The following ATRNL1 variants were observed in gnomAD, a reference collection of about 807,000 sequenced individuals.
The protein encoded by ATRNL1 is attractin-like protein 1.
A neutral mutation model predicts 182.7 loss-of-function variants in ATRNL1; 95 were observed. The ratio of observed to expected loss-of-function variants is 0.52; its 90% CI spans 0.44 to 0.62. The LOEUF is 0.62. Among genes scored for constraint, ATRNL1 ranks in the 20% least tolerant of loss-of-function variants. ATRNL1 has a pLI of 0.00. For missense variants in ATRNL1, 1,471 were observed against 1,679.5 expected (o/e 0.88, Z 2.17); for synonymous variants, 576 against 568.3 (o/e 1.01, Z -0.19).
At chr10:115,560,438 G>A (rs996799819) in intron 26 of ATRNL1, among the ~76,000 whole-genome samples, 1 of 152,104 alleles carries the variant, frequency 6.6e-6, no homozygotes, top group South Asian at 2.1e-4. Context: ...GAGCTACAAT[G>A]CAAGATGAGA....
intron 26 of ATRNL1, among the ~76,000 whole-genome samples, chr10:115,695,315 G>A (rs1257640664): frequency 1.3e-5 from 2 of 151,968 alleles, no homozygotes; most frequent in South Asian, 4.2e-4. Flanking sequence ...TTTAAACAAC[G>A]CTGGAATTCA....
chr10:115,231,300 A>G (rs1849942005), intron 9 of ATRNL1, among the ~76,000 whole-genome samples: 1 of 152,156 alleles, frequency 6.6e-6, no homozygotes, highest in South Asian at 2.1e-4. Flanking sequence ...GCTGATTGGT[A>G]AACTAATATG....
chr10:115,764,594 T>G (rs1398044884), intron 27 of ATRNL1, among the ~76,000 whole-genome samples: 1 of 152,216 alleles, frequency 6.6e-6, no homozygotes, highest in Non-Finnish European at 1.5e-5. Context: ...TGTGATAATA[T>G]GTAGACTTTT....
At chr10:115,814,527 A>G (rs1950118128) in intron 27 of ATRNL1, among the ~76,000 whole-genome samples, 1 of 152,178 alleles carries the variant, frequency 6.6e-6, no homozygotes, top group South Asian at 2.1e-4. Flanking sequence ...TTATATAGAC[A>G]TATGTGATAG....
intron 28 of ATRNL1, among the ~76,000 whole-genome samples, chr10:115,926,195 G>T (rs1953225697): frequency 6.6e-6 from 1 of 152,188 alleles, no homozygotes; most frequent in South Asian, 2.1e-4. Flanking sequence ...AAATCAAGAA[G>T]TTCTTTGAAA....
intron 27 of ATRNL1, among the ~76,000 whole-genome samples, chr10:115,786,561 T>C (rs550152240): frequency 7.1e-4 from 108 of 152,318 alleles, no homozygotes; most frequent in African/African-American, 2.4e-3. Context: ...TATGGCCTTC[T>C]TAGAAGGATA....
At chr10:115,545,191 C>CG (rs1478248207) in intron 25 of ATRNL1, among the ~76,000 whole-genome samples, 4 of 139,884 alleles carry the variant, frequency 2.9e-5, no homozygotes, top group Non-Finnish European at 4.5e-5. Flanking sequence ...GCCAAGATCA[C>CG]GCCACTGCAC....
intron 13 of ATRNL1, among the ~76,000 whole-genome samples, chr10:115,270,942 G>T (rs1851833396): frequency 6.6e-6 from 1 of 151,942 alleles, no homozygotes; most frequent in South Asian, 2.1e-4. Flanking sequence ...TAATAACAAG[G>T]TCATAATTCT....
intron 26 of ATRNL1, among the ~76,000 whole-genome samples, chr10:115,649,998 G>C (rs1035218208): frequency 6.6e-6 from 1 of 152,124 alleles, no homozygotes; most frequent in Non-Finnish European, 1.5e-5. Flanking sequence ...AACAACAATA[G>C]ACCTGAATTA....
intron 20 of ATRNL1, among the ~76,000 whole-genome samples, chr10:115,408,248 C>G (rs1434713236): frequency 6.6e-6 from 1 of 151,908 alleles, no homozygotes; most frequent in African/African-American, 2.4e-5. Context: ...CATGATCCAC[C>G]CGCCTCGGCC....
rs74626226 is a variant in ATRNL1 at position 115,171,544 on chromosome 10, A to T, written c.1348+252A>T. ...ATTTTCTAAGATTTGTGAATTTTTT[A>T]AAAAAATATGTGAAATTCCAGTAGG... On this transcript the variant is annotated intron_variant, in intron 8 of 28. Transcript: ENST00000355044. Among the ~76,000 whole-genome samples the T allele has an allele frequency of 3.3e-4, 50 of 152,106 alleles. 1 individual carries two copies. The East Asian group carries it at 4.2e-3, about 13-fold the overall frequency.
intron 26 of ATRNL1, among the ~76,000 whole-genome samples, chr10:115,646,178 CAAAG>C (rs1555032391): frequency 1.3e-5 from 2 of 151,696 alleles, no homozygotes; most frequent in South Asian, 4.2e-4. Context: ...TTTTTTAAAA[CAAAG>C]AATAACTTTA....
intron 27 of ATRNL1, among the ~76,000 whole-genome samples, chr10:115,843,300 T>C (rs548900443): frequency 2.0e-5 from 3 of 152,034 alleles, no homozygotes; most frequent in East Asian, 3.9e-4. Flanking sequence ...GAAGTGAGCA[T>C]AGGGGATATA....
chr10:115,506,507 G>C (rs1554981320), intron 24 of ATRNL1, among the ~76,000 whole-genome samples: 1 of 151,900 alleles, frequency 6.6e-6, no homozygotes, highest in East Asian at 1.9e-4. Context: ...TACTCTACCA[G>C]CCTAGAAGCT....
chr10:115,264,713 C>T (rs1213505462), intron 10 of ATRNL1, among the ~76,000 whole-genome samples: 1 of 151,508 alleles, frequency 6.6e-6, no homozygotes, highest in Non-Finnish European at 1.5e-5. Flanking sequence ...GAATTCAAAT[C>T]ATTAAAGTGA....
chr10:115,373,798 A>G (rs1173908508), intron 19 of ATRNL1, among the ~76,000 whole-genome samples: 4 of 151,592 alleles, frequency 2.6e-5, no homozygotes, highest in African/African-American at 9.7e-5. Context: ...TTTTTCATCT[A>G]TGTTTATTAG....
At chr10:115,143,539 A>G (rs1189007884) in intron 5 of ATRNL1, among the ~76,000 whole-genome samples, 1 of 152,164 alleles carries the variant, frequency 6.6e-6, no homozygotes, top group Non-Finnish European at 1.5e-5. Flanking sequence ...CGCTTAAACA[A>G]TTGGCATTTA....
At chr10:115,448,005 A>G (rs1847092192) in intron 21 of ATRNL1, among the ~76,000 whole-genome samples, 1 of 151,910 alleles carries the variant, frequency 6.6e-6, no homozygotes, top group Admixed American at 6.6e-5. Flanking sequence ...ATCATTTTAC[A>G]TATTTATTGT....
chr10:115,135,030 G>A (rs1554876252), intron 5 of ATRNL1, among the ~76,000 whole-genome samples: 1 of 151,972 alleles, frequency 6.6e-6, no homozygotes, highest in Non-Finnish European at 1.5e-5. Flanking sequence ...TTGATGGGAT[G>A]TATCTCAAAA....
Sources: allele counts gnomAD v4.1 joint callset (sites outside exome capture counted in the v4.1 genomes callset), GRCh38; gene constraint gnomAD v4.1.1; transcripts MANE v1.5; gene names NCBI Gene and HGNC (gene_info 2026-07-23, HGNC 2026-07-21).